PLXNA2: variants seen among roughly 807,000 people sequenced by gnomAD.
PLXNA2 encodes plexin A2, also known as plexin-A2.
PLXNA2 carries 91 observed loss-of-function variants against 193.5 expected under a neutral mutation model. That is an observed-to-expected ratio of 0.47 (90% CI 0.40 to 0.56). The LOEUF is 0.56. Among genes scored for constraint, PLXNA2 ranks in the 20% least tolerant of loss-of-function variants. The pLI, the probability that PLXNA2 is intolerant of heterozygous loss-of-function variation, is 0.00. For synonymous variants in PLXNA2, 997 were observed against 1,027.3 expected (o/e 0.97, Z 0.56); for missense variants, 1,995 against 2,503.2 (o/e 0.80, Z 4.33).
intron 3 of PLXNA2, among the ~76,000 whole-genome samples, chr1:208,161,037 G>A (rs2102514110): frequency 6.6e-6 from 1 of 152,330 alleles, no homozygotes; most frequent in African/African-American, 2.4e-5. Context: ...TTCCATCTCA[G>A]CCTCCTCCAC....
At chr1:208,157,697 C>T (rs10863702) in intron 3 of PLXNA2, among the ~76,000 whole-genome samples, 74,628 of 151,980 alleles carry the variant, frequency 0.49, 18,774 homozygotes, top group African/African-American at 0.58. Flanking sequence ...TGTAAGGTTC[C>T]GGGTTCAAGT....
In PLXNA2 at chr1:208,244,356, C is replaced by A; in HGVS notation, c.-794G>T. ...CGGCGGAGGAGCCCTGAGCGCCGGC[C>A]TCCCTATTTCACCATGCAGCTCATT... On this transcript the variant is annotated 5_prime_UTR_variant, in exon 1 of 32. In the 5' UTR this introduces an upstream ATG that the reference lacks. Coordinates refer to ENST00000367033, the MANE Select transcript of PLXNA2 (RefSeq NM_025179.4). 1 of 194,864 alleles carries A rather than the reference C, an allele frequency of 5.1e-6. No individual in the cohort carries two copies. Among genetic ancestry groups the A allele is most frequent in the Non-Finnish European group, 1.0e-5 (1 of 99,462 alleles). The allele number at this position is 194,864 out of a possible 1,614,324, so 12.1% of individuals were successfully genotyped here.
rs557710574 is a variant in PLXNA2, at chr1:208,233,328, G to GT, written c.-81+10314dup. On this transcript the variant is annotated intron_variant, in intron 1 of 31. Coordinates refer to ENST00000367033, the MANE Select transcript of PLXNA2 (RefSeq NM_025179.4). The stretch of plus-strand genomic sequence containing the variant: ...AACTTTAAAATTTCTTGCAAGGAAC[G>GT]TATCTTTTTTTCTTCTCCCAGGTGA... Among the ~76,000 whole-genome samples the GT allele has an allele frequency of 6.8e-3, 1,041 of 152,340 alleles. 10 individuals carry two copies. Among genetic ancestry groups the GT allele is most frequent in the Middle Eastern group, 0.02 (6 of 294 alleles).
intron 15 of PLXNA2, among the ~76,000 whole-genome samples, chr1:208,052,070 A>G (rs927969163): frequency 1.3e-5 from 2 of 152,160 alleles, no homozygotes; most frequent in African/African-American, 2.4e-5. Context: ...GGGAGCTCCT[A>G]GGAGCCTCCT....
At chr1:208,170,579 G>T (rs562510485) in intron 3 of PLXNA2, among the ~76,000 whole-genome samples, 2 of 152,330 alleles carry the variant, frequency 1.3e-5, no homozygotes, top group African/African-American at 4.8e-5. Context: ...TTCATAAGGG[G>T]CTAGTTCAAC....
intron 29 of PLXNA2, chr1:208,029,494 GCGC>G: frequency 1.0e-6 from 1 of 1,003,810 alleles, no homozygotes; most frequent in Non-Finnish European, 1.2e-6. Flanking sequence ...GGCACAAAGG[GCGC>G]CACCTGCGCT....
chr1:208,095,204 C>T (rs1266121988), intron 8 of PLXNA2, among the ~76,000 whole-genome samples: 1 of 152,188 alleles, frequency 6.6e-6, no homozygotes, highest in Non-Finnish European at 1.5e-5. Flanking sequence ...TCTTTCTAAA[C>T]CAAATGGTGT....
intron 21 of PLXNA2, 109 bp from the exon 22 acceptor site, chr1:208,042,475 A>T: frequency 1.6e-6 from 2 of 1,220,394 alleles, no homozygotes; most frequent in Non-Finnish European, 2.3e-6. Flanking sequence ...GTAGGACCCT[A>T]TGTTTGAGGC....
intron 3 of PLXNA2, among the ~76,000 whole-genome samples, chr1:208,177,688 A>T (rs1344714585): frequency 6.6e-6 from 1 of 152,250 alleles, no homozygotes; most frequent in Non-Finnish European, 1.5e-5. Context: ...AGCCAGCAAA[A>T]GTCTAACCAA....
chr1:208,046,426 A>T (rs549960387), intron 17 of PLXNA2, among the ~76,000 whole-genome samples: 1 of 152,146 alleles, frequency 6.6e-6, no homozygotes, highest in Non-Finnish European at 1.5e-5. Flanking sequence ...ACAAAGAAGC[A>T]TTACAATCTA....
At chr1:208,067,070 C>T (rs1352449448) in intron 12 of PLXNA2, among the ~76,000 whole-genome samples, 1 of 152,116 alleles carries the variant, frequency 6.6e-6, no homozygotes, top group South Asian at 2.1e-4. Flanking sequence ...ACTGGCCGGG[C>T]GCAGTGGCTC....
chr1:208,242,807 A>C (rs1022233113), intron 1 of PLXNA2, among the ~76,000 whole-genome samples: 1 of 152,172 alleles, frequency 6.6e-6, no homozygotes, highest in Non-Finnish European at 1.5e-5. Context: ...CTAGACCATG[A>C]TTGGCATTAT....
intron 3 of PLXNA2, among the ~76,000 whole-genome samples, chr1:208,193,255 A>G: frequency 6.6e-6 from 1 of 152,210 alleles, no homozygotes; most frequent in African/African-American, 2.4e-5. Context: ...TTGGGCTCAC[A>G]TTTCCATGAC....
chr1:208,176,910 C>G (rs1316485398), intron 3 of PLXNA2, among the ~76,000 whole-genome samples: 1 of 152,174 alleles, frequency 6.6e-6, no homozygotes, highest in East Asian at 1.9e-4. Context: ...CACTCATAGT[C>G]CCCTGAACCT....
chr1:208,217,311 G>T lies in PLXNA2; in HGVS notation c.612C>A (p.Pro204=), dbSNP rs756053381. The change falls in exon 2 of 32, where the codon CCC becomes CCA. Residue 204 remains proline, a synonymous_variant. Coordinates refer to ENST00000367033, the MANE Select transcript of PLXNA2 (RefSeq NM_025179.4). This position sits in a 1 kb window ranked among gnomAD's most constrained non-coding sequence, Gnocchi z 4.7. ...GCATGGCTGAGGACTCAGGGTCTCG[G>T]GGCAGCTTCCGGCTGGACAGGGTCG... is the stretch of plus-strand genomic sequence containing the variant. The part of the protein sequence containing the change: ...YFPTLSSRKL[P]RDPESSAMLD... 1.3e-5 allele frequency: 21 copies of T among 1,614,032 alleles called. No homozygotes were observed. In the East Asian group the frequency reaches 4.0e-4, roughly 31 times the overall value.
At position 208,043,141 on chromosome 1, in the gene PLXNA2, G is replaced by A. The variant is rs143907032; in HGVS notation, c.3937C>T (p.Pro1313Ser). The A allele has an allele frequency of 5.6e-6, 9 of 1,614,046 alleles. No homozygotes were observed. Among genetic ancestry groups the A allele is most frequent in the Non-Finnish European group, 7.6e-6 (9 of 1,179,998 alleles). Reference sequence around the variant, plus strand: ...GCGTAGGTACGATAGTCCAGGTAAGGGATTCCTGAGCGGTCCAGGTCACTG... The same window carrying A: ...GCGTAGGTACGATAGTCCAGGTAAGAGATTCCTGAGCGGTCCAGGTCACTG... Reference protein sequence around the residue: ...LTSDLDRSGIPYLDYRTYAMR... With the variant: ...LTSDLDRSGISYLDYRTYAMR... Residue 1313 changes from proline (P) to serine (S), a missense_variant, in exon 21 of 32, where the codon CCT becomes TCT. By Grantham distance (74) the Pro-to-Ser change is moderately conservative. Transcript: ENST00000367033.
intron 15 of PLXNA2, among the ~76,000 whole-genome samples, chr1:208,051,920 G>A (rs946169978): frequency 6.6e-6 from 1 of 152,164 alleles, no homozygotes; most frequent in African/African-American, 2.4e-5. Context: ...GCTGGCAAAT[G>A]GTAGGTGTTC....
intron 1 of PLXNA2, among the ~76,000 whole-genome samples, chr1:208,229,386 A>G (rs1166340624): frequency 6.6e-6 from 1 of 152,194 alleles, no homozygotes; most frequent in African/African-American, 2.4e-5. Context: ...CAGGGCTAGC[A>G]TGATAACTTT....
intron 3 of PLXNA2, among the ~76,000 whole-genome samples, chr1:208,190,058 T>C (rs1670128666): frequency 6.6e-6 from 1 of 152,196 alleles, no homozygotes; most frequent in South Asian, 2.1e-4. Flanking sequence ...GAAGTCACCC[T>C]GAAGGCAAAC....
Sources: allele counts gnomAD v4.1 joint callset (sites outside exome capture counted in the v4.1 genomes callset), GRCh38; gene constraint gnomAD v4.1.1; non-coding constraint Gnocchi (gnomAD v3.1); transcripts MANE v1.5; gene names NCBI Gene and HGNC (gene_info 2026-07-23, HGNC 2026-07-21).